The following SPAG16 variants were observed in gnomAD, a reference collection of about 807,000 sequenced individuals.
The protein encoded by SPAG16 is sperm associated antigen 16.
A neutral mutation model predicts 80.4 loss-of-function variants in SPAG16; 86 were observed. That is an observed-to-expected ratio of 1.07 (90% CI 0.90 to 1.28). The LOEUF is 1.28. Ranked by LOEUF, SPAG16 falls within the 50% of genes most tolerant of loss-of-function variation. The pLI is 0.00. For synonymous variants in SPAG16, 294 were observed against 265.9 expected (o/e 1.11, Z -1.03); for missense variants, 870 against 765.3 (o/e 1.14, Z -1.61).
intron 9 of SPAG16, among the ~76,000 whole-genome samples, chr2:213,379,401 C>T (rs1002310028): frequency 2.0e-5 from 3 of 152,182 alleles, no homozygotes; most frequent in Admixed American, 1.3e-4. Flanking sequence ...TTTTATCAAT[C>T]CAGCTGCTTC....
At chr2:213,731,496 T>G (rs1264226939) in intron 10 of SPAG16, among the ~76,000 whole-genome samples, 3 of 151,758 alleles carry the variant, frequency 2.0e-5, no homozygotes, top group Non-Finnish European at 1.5e-5. Flanking sequence ...ACTTTTAAGT[T>G]CAGGGGTACA....
intron 15 of SPAG16, among the ~76,000 whole-genome samples, chr2:214,243,229 G>A (rs893996656): frequency 3.3e-5 from 5 of 152,112 alleles, no homozygotes; most frequent in Admixed American, 6.6e-5. Context: ...TATTCTAAGT[G>A]GTATCGGTAA....
chr2:214,243,401 C>G (rs142063611), intron 15 of SPAG16, among the ~76,000 whole-genome samples: 1 of 152,186 alleles, frequency 6.6e-6, no homozygotes, highest in African/African-American at 2.4e-5. Flanking sequence ...ATAAACCTCT[C>G]TCTCTGAGTC....
intron 10 of SPAG16, among the ~76,000 whole-genome samples, chr2:213,610,639 G>A (rs1230813729): frequency 2.6e-5 from 4 of 152,128 alleles, no homozygotes; most frequent in African/African-American, 9.7e-5. Context: ...AGTCTGCAGT[G>A]CAAAGCAAAA....
intron 10 of SPAG16, among the ~76,000 whole-genome samples, chr2:213,711,256 A>T (rs2065973115): frequency 6.6e-6 from 1 of 152,054 alleles, no homozygotes; most frequent in South Asian, 2.1e-4. Context: ...TTGTTATGGC[A>T]AAAATTTTTT....
At chr2:213,479,821 A>G (rs568269935) in intron 9 of SPAG16, among the ~76,000 whole-genome samples, 1 of 152,180 alleles carries the variant, frequency 6.6e-6, no homozygotes, top group Non-Finnish European at 1.5e-5. Flanking sequence ...ACTCATATCT[A>G]TATCAAAAGG....
intron 15 of SPAG16, among the ~76,000 whole-genome samples, chr2:214,202,560 T>G (rs2058038879): frequency 1.3e-5 from 2 of 152,136 alleles, no homozygotes; most frequent in African/African-American, 4.8e-5. Context: ...AGAGGTAAAT[T>G]ATCCTCAAGA....
intron 15 of SPAG16, among the ~76,000 whole-genome samples, chr2:214,395,920 C>T (rs9636337): frequency 0.33 from 50,588 of 151,976 alleles, 9,982 homozygotes; most frequent in South Asian, 0.49. Context: ...TTTTCTTTAA[C>T]CAGTCTTCAG....
chr2:214,195,293 A>C (rs1349531039), intron 15 of SPAG16, among the ~76,000 whole-genome samples: 1 of 149,244 alleles, frequency 6.7e-6, no homozygotes, highest in Non-Finnish European at 1.5e-5. Flanking sequence ...ACACACAGAT[A>C]GATGAGAGAT....
At chr2:214,392,366 G>C (rs942045124) in intron 15 of SPAG16, among the ~76,000 whole-genome samples, 39 of 151,948 alleles carry the variant, frequency 2.6e-4, no homozygotes, top group African/African-American at 8.5e-4. Flanking sequence ...ATGTTGGCCA[G>C]GCTGGTCTCG....
intron 13 of SPAG16, among the ~76,000 whole-genome samples, chr2:214,023,131 G>C (rs1360661854): frequency 6.6e-6 from 1 of 151,696 alleles, no homozygotes; most frequent in Non-Finnish European, 1.5e-5. Flanking sequence ...TGTTTTCTCT[G>C]GGTATCTCTG....
intron 6 of SPAG16, among the ~76,000 whole-genome samples, chr2:213,349,581 C>T (rs2065210077): frequency 6.6e-6 from 1 of 152,138 alleles, no homozygotes; most frequent in African/African-American, 2.4e-5. Flanking sequence ...AAAAATATTA[C>T]ATGACTTATA....
In SPAG16 at chr2:213,611,290, T is replaced by C. The variant is rs556154060; in HGVS notation, c.1070+121200T>C. 2.0e-4 allele frequency among the ~76,000 whole-genome samples: 31 copies of C among 152,362 alleles called. No individual in the cohort carries two copies. The Middle Eastern group carries it at 0.01, about 50-fold the overall frequency. On this transcript the variant is annotated intron_variant, in intron 10 of 15. Transcript: ENST00000331683. ...AAGTTTTCCCTTGGCTCCTATGGCA[T>C]GTTTTTTGTTTAAAATAAAAGTCAA...
intron 15 of SPAG16, among the ~76,000 whole-genome samples, chr2:214,316,744 A>C (rs989411094): frequency 6.6e-6 from 1 of 152,138 alleles, no homozygotes; most frequent in African/African-American, 2.4e-5. Flanking sequence ...TTGTCTCAAG[A>C]TCCTATCAAT....
intron 15 of SPAG16, among the ~76,000 whole-genome samples, chr2:214,174,426 T>C (rs1046022858): frequency 6.6e-6 from 1 of 152,018 alleles, no homozygotes; most frequent in Non-Finnish European, 1.5e-5. Context: ...AGCATTCTTA[T>C]ACACCAGTAA....
intron 15 of SPAG16, among the ~76,000 whole-genome samples, chr2:214,196,482 A>G (rs2057841972): frequency 6.6e-6 from 1 of 152,094 alleles, no homozygotes; most frequent in South Asian, 2.1e-4. Context: ...CAATAAAGGC[A>G]ACTATCATTG....
At chr2:213,677,140 C>A (rs182780183) in intron 10 of SPAG16, among the ~76,000 whole-genome samples, 30 of 152,122 alleles carry the variant, frequency 2.0e-4, no homozygotes, top group Non-Finnish European at 4.0e-4. Flanking sequence ...AAAGGAACAA[C>A]CGGTACCAGC....
chr2:213,697,982 C>A lies in SPAG16; in HGVS notation c.1071-164503C>A, dbSNP rs182918409. Among the ~76,000 whole-genome samples, 11 of 152,218 alleles carry A rather than the reference C, an allele frequency of 7.2e-5. No individual in the cohort carries two copies. In the East Asian group the frequency reaches 2.1e-3, roughly 29 times the overall value. On this transcript the variant is annotated intron_variant, in intron 10 of 15. Transcript: ENST00000331683. The stretch of plus-strand genomic sequence containing the variant: ...TCTACTCAAATCTTCTGCCAACTCT[C>A]GTCAACTTCTTTTTTCCTTAGTAAA...
At position 214,026,203 on chromosome 2, in the gene SPAG16, A is replaced by G. The variant is rs558128260; in HGVS notation, c.1527+12126A>G. ...TCTTCTTATAATTTCTACTTTTGCA[A>G]TAACATATATACATACATGCATATA... On this transcript the variant is annotated intron_variant, in intron 13 of 15. Transcript: ENST00000331683. 3.3e-5 allele frequency among the ~76,000 whole-genome samples: 5 copies of G among 151,596 alleles called. No homozygotes were observed. In the South Asian group the frequency reaches 8.3e-4, roughly 25 times the overall value.
Sources: gnomAD v4.1 joint callset for allele counts (sites outside exome capture counted in the v4.1 genomes callset) on GRCh38, gnomAD v4.1.1 for gene constraint, MANE v1.5 for transcripts, NCBI Gene and HGNC (gene_info 2026-07-23, HGNC 2026-07-21) for gene names.